AGBL1: variants seen among roughly 807,000 people sequenced by gnomAD.
AGBL1 encodes AGBL carboxypeptidase 1.
Under a neutral mutation model 118.9 loss-of-function variants are expected in AGBL1, and 130 were observed. That is an observed-to-expected ratio of 1.09 (90% CI 0.95 to 1.26). The LOEUF is 1.26. Among genes scored for constraint, AGBL1 ranks in the 50% most tolerant of loss-of-function variants. The pLI is 0.00. For synonymous variants in AGBL1, 555 were observed against 478.9 expected (o/e 1.16, Z -2.08); for missense variants, 1,584 against 1,298.1 (o/e 1.22, Z -3.38).
chr15:86,707,711 G>C (rs1208842528), intron 22 of AGBL1, among the ~76,000 whole-genome samples: 3 of 152,102 alleles, frequency 2.0e-5, no homozygotes, highest in African/African-American at 7.2e-5. Flanking sequence ...AAGCAACATT[G>C]CATAAGGAGG....
chr15:86,774,438 C>G (rs921324552), intron 22 of AGBL1, among the ~76,000 whole-genome samples: 2 of 152,074 alleles, frequency 1.3e-5, no homozygotes, highest in African/African-American at 4.8e-5. Flanking sequence ...TCAATTTATT[C>G]GTTGAGCAAA....
intron 22 of AGBL1, among the ~76,000 whole-genome samples, chr15:86,784,888 T>C (rs892300234): frequency 2.0e-5 from 3 of 152,150 alleles, no homozygotes; most frequent in East Asian, 1.9e-4. Flanking sequence ...ACTACTATCT[T>C]TGCAACTTTT....
chr15:86,152,679 CTAAAG>C (rs1567089419), intron 3 of AGBL1, among the ~76,000 whole-genome samples: 4 of 152,288 alleles, frequency 2.6e-5, no homozygotes, highest in East Asian at 3.9e-4. Flanking sequence ...TCTAATTAAA[CTAAAG>C]AGCTTCTGCA....
At chr15:86,757,266 G>C (rs2077956261) in intron 22 of AGBL1, among the ~76,000 whole-genome samples, 1 of 152,078 alleles carries the variant, frequency 6.6e-6, no homozygotes. Flanking sequence ...TGAGCAGCCA[G>C]AGTGTGTCAA....
chr15:87,017,024 G>A (rs1057459918), intron 24 of AGBL1, among the ~76,000 whole-genome samples: 4 of 152,080 alleles, frequency 2.6e-5, no homozygotes, highest in Admixed American at 6.6e-5. Context: ...CTAAATCCAG[G>A]GAGCTGAGCA....
chr15:86,503,987 G>A (rs972026972), intron 18 of AGBL1, among the ~76,000 whole-genome samples: 3 of 151,440 alleles, frequency 2.0e-5, no homozygotes, highest in African/African-American at 7.3e-5. Context: ...TTGATTCTGT[G>A]TCTAGTTGTT....
At chr15:86,641,103 T>C (rs950059349) in intron 21 of AGBL1, among the ~76,000 whole-genome samples, 1 of 152,122 alleles carries the variant, frequency 6.6e-6, no homozygotes, top group African/African-American at 2.4e-5. Context: ...TTTAATAGCT[T>C]ATTTTCACCT....
At chr15:86,391,640 G>GTTTTTTTTTTTTTTTTTTTTT (rs751427467) in intron 17 of AGBL1, among the ~76,000 whole-genome samples, 1 of 73,784 alleles carries the variant, frequency 1.4e-5, no homozygotes, top group Non-Finnish European at 2.3e-5. Flanking sequence ...GTTGTTGTTG[G>GTTTTTTTTTTTTTTTTTTTTT]TTTTTTTTTT....
chr15:86,109,464 C>T (rs1897236384), intron 1 of AGBL1, among the ~76,000 whole-genome samples: 1 of 152,076 alleles, frequency 6.6e-6, no homozygotes, highest in Non-Finnish European at 1.5e-5. Context: ...GCTGAATTTT[C>T]TTTGATTGCT....
At chr15:86,360,963 T>A (rs994230223) in intron 17 of AGBL1, among the ~76,000 whole-genome samples, 1 of 151,908 alleles carries the variant, frequency 6.6e-6, no homozygotes, top group East Asian at 1.9e-4. Flanking sequence ...TGTTTTTCTA[T>A]TTTCTATTTG....
At position 86,910,399 on chromosome 15, in the gene AGBL1, C is replaced by G. The variant is rs2080334329; in HGVS notation, c.*3105C>G. 6.6e-6 allele frequency: 1 copy of G among 152,180 alleles called. No individual in the cohort carries two copies. The allele number at this position is 152,180 out of a possible 1,614,324, so 9.4% of individuals were successfully genotyped here. A position where few individuals can be genotyped will look rare whatever the true frequency, so the allele number is the denominator to read the frequency against. On this transcript the variant is annotated 3_prime_UTR_variant, in exon 23 of 23. Coordinates refer to ENST00000614907, the MANE Select transcript of AGBL1 (RefSeq NM_001386094.1). ...ACTAGACAGCAGTCAGATAAAGCTG[C>G]ATTTGGCATTCCTTGATGAAAAGGC... is the stretch of plus-strand genomic sequence containing the variant.
intron 17 of AGBL1, among the ~76,000 whole-genome samples, chr15:86,343,709 C>T (rs2080495539): frequency 1.3e-5 from 2 of 152,276 alleles, no homozygotes; most frequent in Middle Eastern, 6.8e-3. Context: ...TAAATGAATT[C>T]ACTGGGGAAA....
At chr15:86,138,122 G>T (rs2076913549) in intron 1 of AGBL1, 1 of 152,056 alleles carries the variant, frequency 6.6e-6, no homozygotes, top group Non-Finnish European at 1.5e-5. Flanking sequence ...CCTAGTTCTT[G>T]CCCACAAATA....
intron 18 of AGBL1, among the ~76,000 whole-genome samples, chr15:86,504,189 C>G (rs2082948086): frequency 6.6e-6 from 1 of 151,478 alleles, no homozygotes; most frequent in African/African-American, 2.4e-5. Flanking sequence ...TTTCTTGTAA[C>G]TGTTTGTGAG....
rs2080364545 is a variant in AGBL1, at chr15:86,912,422, A to C, written c.*5128A>C. 1 of 152,112 alleles carries C rather than the reference A, an allele frequency of 6.6e-6. No homozygotes were observed. Among genetic ancestry groups the C allele is most frequent in the Non-Finnish European group, 1.5e-5 (1 of 68,032 alleles). 9.4% of individuals were successfully genotyped at this position (152,112 alleles called of 1,614,324 possible). ...GAGAACTGTCTGTGCAGCTCCATGG[A>C]TATCATGCCAACTTGGCTGCCTGGG... On this transcript the variant is annotated 3_prime_UTR_variant, in exon 23 of 23. Transcript: ENST00000614907.
chr15:86,848,637 A>G (rs948033968), intron 22 of AGBL1, among the ~76,000 whole-genome samples: 2 of 152,188 alleles, frequency 1.3e-5, no homozygotes, highest in Non-Finnish European at 2.9e-5. Flanking sequence ...ACCTAAGACT[A>G]TATCATCCTT....
chr15:86,608,062 A>T (rs1358891239), intron 21 of AGBL1, among the ~76,000 whole-genome samples: 3 of 152,214 alleles, frequency 2.0e-5, no homozygotes, highest in Non-Finnish European at 4.4e-5. Context: ...GTGCTTTAAC[A>T]CCAAGTAATG....
At chr15:86,580,151 AG>A (rs1448910598) in intron 21 of AGBL1, among the ~76,000 whole-genome samples, 1 of 152,206 alleles carries the variant, frequency 6.6e-6, no homozygotes, top group African/African-American at 2.4e-5. Flanking sequence ...TAACCGTAGG[AG>A]GGACTTTCTA....
chr15:86,778,474 C>T (rs542012441), intron 22 of AGBL1, among the ~76,000 whole-genome samples: 1 of 152,108 alleles, frequency 6.6e-6, no homozygotes, highest in Non-Finnish European at 1.5e-5. Context: ...ACGGCCACCC[C>T]CCGAAGCGGC....
Sources: allele counts gnomAD v4.1 joint callset (sites outside exome capture counted in the v4.1 genomes callset), GRCh38; gene constraint gnomAD v4.1.1; transcripts MANE v1.5; gene names NCBI Gene and HGNC (gene_info 2026-07-23, HGNC 2026-07-21).